Variants in ZFHX3 observed in about 807,000 individuals in gnomAD.
ZFHX3 encodes zinc finger homeobox 3, also known as zinc finger homeobox protein 3.
In ZFHX3, 42 loss-of-function variants were observed where a neutral mutation model predicts 279.1. The ratio of observed to expected loss-of-function variants is 0.15; its 90% CI spans 0.12 to 0.19. The LOEUF is 0.19. Among genes scored for constraint, ZFHX3 ranks in the 10% least tolerant of loss-of-function variants. The pLI is 1.00. For synonymous variants in ZFHX3, 2,293 were observed against 1,957.8 expected (o/e 1.17, Z -4.52); for missense variants, 4,981 against 4,754.0 (o/e 1.05, Z -1.40).
At position 73,329,009 on chromosome 16, in the gene ZFHX3, A is replaced by G. The variant is rs186901333; in HGVS notation, c.-1290-10673T>C. Reference sequence around the variant, plus strand: ...CTACATGAACTCATTCTTTTCCTCTAGGACTGTTGGTCACAGGTACATTCA... The same window carrying G: ...CTACATGAACTCATTCTTTTCCTCTGGGACTGTTGGTCACAGGTACATTCA... On this transcript the variant is annotated intron_variant, in intron 3 of 17. Coordinates refer to the ZFHX3 transcript ENST00000641206. Among the ~76,000 whole-genome samples, 97 of 152,332 alleles carry G rather than the reference A, an allele frequency of 6.4e-4. 2 individuals carry two copies. Among genetic ancestry groups the G allele is most frequent in the Admixed American group, 6.3e-3 (96 of 15,300 alleles).
chr16:73,118,261 T>G (rs1966455541), intron 7 of ZFHX3, among the ~76,000 whole-genome samples: 1 of 152,214 alleles, frequency 6.6e-6, no homozygotes, highest in African/African-American at 2.4e-5. Flanking sequence ...CAGGCTAGAG[T>G]GCAGTGGCAC....
rs145527800 is a variant in ZFHX3, at chr16:73,516,809, G to A, written c.-1546-60551C>T. On this transcript the variant is annotated intron_variant, in intron 2 of 17. Coordinates refer to the ZFHX3 transcript ENST00000641206. The stretch of plus-strand genomic sequence containing the variant: ...CACACAGTAGCTGCACAGAGAGTAT[G>A]TGCTGAATAGTTTGGGTGGATGGAC... Among the ~76,000 whole-genome samples the A allele has an allele frequency of 5.4e-4, 82 of 152,312 alleles. 1 individual carries two copies. Among genetic ancestry groups the A allele is most frequent in the African/African-American group, 1.9e-3 (78 of 41,566 alleles).
At chr16:72,902,667 G>C (rs2039069016) in intron 3 of ZFHX3, among the ~76,000 whole-genome samples, 1 of 152,076 alleles carries the variant, frequency 6.6e-6, no homozygotes, top group African/African-American at 2.4e-5. Context: ...CATTCCAATG[G>C]GCCTGAGCGC....
chr16:73,079,067 C>G (rs913645058), intron 8 of ZFHX3, among the ~76,000 whole-genome samples: 1 of 151,982 alleles, frequency 6.6e-6, no homozygotes, highest in Admixed American at 6.6e-5. Context: ...CTATTATTTC[C>G]TTCCTTCTAT....
At chr16:73,405,374 T>TA (rs1252752138) in intron 3 of ZFHX3, among the ~76,000 whole-genome samples, 1 of 152,126 alleles carries the variant, frequency 6.6e-6, no homozygotes. Context: ...TAGAATAACA[T>TA]AAAAAAGGAA....
intron 1 of ZFHX3, among the ~76,000 whole-genome samples, chr16:73,706,444 G>A (rs1330887712): frequency 1.6e-5 from 2 of 126,924 alleles, no homozygotes; most frequent in East Asian, 2.2e-4. Context: ...TGACAAGAGC[G>A]AAACTCTATC....
rs1326029179 is a variant in ZFHX3 at position 72,793,222 on chromosome 16, A to G, written c.9427+33T>C. 13 of 1,567,886 alleles carry G rather than the reference A, an allele frequency of 8.3e-6. No homozygotes were observed. In the African/African-American group the frequency reaches 1.6e-4, roughly 20 times the overall value. ...CAGAATGCTGACTGGGCAGCTATTT[A>G]GCCCTGAAACAATCGCCTAGAGCAG... On this transcript the variant is annotated intron_variant, in intron 9 of 9. Coordinates refer to ENST00000268489, the MANE Select transcript of ZFHX3 (RefSeq NM_006885.4). This position sits in a 1 kb window ranked among gnomAD's most constrained non-coding sequence, Gnocchi z 4.3.
chr16:73,495,091 G>C (rs922031814), intron 2 of ZFHX3, among the ~76,000 whole-genome samples: 1 of 152,216 alleles, frequency 6.6e-6, no homozygotes. Context: ...TCTCTTTACT[G>C]CTGCAGAGTA....
intron 3 of ZFHX3, among the ~76,000 whole-genome samples, chr16:73,339,792 A>C (rs11150412): frequency 0.9 from 136,870 of 152,260 alleles, 61,871 homozygotes; most frequent in Middle Eastern, 0.98. Flanking sequence ...CAAATAAAGC[A>C]TTTCTTTGGG....
chr16:73,146,947 C>T (rs760909476), intron 5 of ZFHX3, among the ~76,000 whole-genome samples: 10 of 152,170 alleles, frequency 6.6e-5, no homozygotes, highest in Admixed American at 1.3e-4. Flanking sequence ...CGTGAGCCAC[C>T]GTGCCTGGCT....
At chr16:73,668,230 T>C (rs150090220) in intron 2 of ZFHX3, among the ~76,000 whole-genome samples, 82 of 152,132 alleles carry the variant, frequency 5.4e-4, no homozygotes, top group African/African-American at 1.9e-3. Context: ...GACAAAGAAA[T>C]GTACAACTCT....
chr16:73,559,698 A>G (rs1361066720), intron 2 of ZFHX3, among the ~76,000 whole-genome samples: 1 of 152,184 alleles, frequency 6.6e-6, no homozygotes, highest in Non-Finnish European at 1.5e-5. Flanking sequence ...AGAAGACGAC[A>G]CGGCAGAACT....
intron 8 of ZFHX3, among the ~76,000 whole-genome samples, chr16:73,080,394 C>A (rs1965929818): frequency 6.6e-6 from 1 of 152,288 alleles, no homozygotes; most frequent in African/African-American, 2.4e-5. Flanking sequence ...GCCTCCAGAA[C>A]TGTGAGAAAT....
chr16:73,429,742 G>A (rs964058400), intron 3 of ZFHX3, among the ~76,000 whole-genome samples: 1 of 152,128 alleles, frequency 6.6e-6, no homozygotes, highest in African/African-American at 2.4e-5. Context: ...TCGACCCATA[G>A]GCCCCCGGTG....
At chr16:72,969,103 T>C (rs1300277046) in intron 1 of ZFHX3, among the ~76,000 whole-genome samples, 2 of 152,160 alleles carry the variant, frequency 1.3e-5, no homozygotes, top group African/African-American at 2.4e-5. Context: ...AAAAAGAAAC[T>C]GTCCAGAGTA....
rs1271343920 is a variant in ZFHX3 at position 73,638,183 on chromosome 16, T to C, written c.-1547+41997A>G. 2.0e-5 allele frequency among the ~76,000 whole-genome samples: 3 copies of C among 152,142 alleles called. No individual in the cohort carries two copies. The East Asian group carries it at 5.8e-4, about 29-fold the overall frequency. ...TATTCCATGGAAATAATCTTGAATG[T>C]AAAGTAAAGATATATGTATAAGGAT... is the stretch of plus-strand genomic sequence containing the variant. On this transcript the variant is annotated intron_variant, in intron 2 of 17. Transcript: ENST00000641206.
In ZFHX3 at chr16:72,794,285, A is replaced by G; in HGVS notation, c.8397T>C (p.Leu2799=). 2 of 1,613,534 alleles carry G rather than the reference A, an allele frequency of 1.2e-6. No homozygotes were observed. Among genetic ancestry groups the G allele is most frequent in the Non-Finnish European group, 1.7e-6 (2 of 1,179,660 alleles). ...CCACCTTAATGGAGGAAGGGCTTAG[A>G]AGAGTTCTGGGTGACAATTCCATGG... ...SKTMELSPRT[L]LSPSSIKVEG... is the part of the protein sequence containing the mutation. Residue 2799 remains leucine (L), a synonymous_variant, in exon 9 of 10, where the codon CTT becomes CTC. Coordinates refer to ENST00000268489, the MANE Select transcript of ZFHX3 (RefSeq NM_006885.4). The surrounding 1 kb of genome is among the most constrained non-coding windows in gnomAD (Gnocchi z 4.2).
chr16:72,983,939 T>C (rs1387907194), intron 1 of ZFHX3, among the ~76,000 whole-genome samples: 1 of 152,230 alleles, frequency 6.6e-6, no homozygotes, highest in Non-Finnish European at 1.5e-5. Context: ...CCACCAGTTA[T>C]AGTCCAGAAC....
chr16:73,485,394 C>CTGT (rs2018955027), intron 2 of ZFHX3, among the ~76,000 whole-genome samples: 1 of 138,916 alleles, frequency 7.2e-6, no homozygotes, highest in South Asian at 2.3e-4. Context: ...GGTTTCAAGT[C>CTGT]TGTTTCAAGG....
Sources: gnomAD v4.1 joint callset for allele counts (sites outside exome capture counted in the v4.1 genomes callset) on GRCh38, gnomAD v4.1.1 for gene constraint, Gnocchi (gnomAD v3.1) non-coding constraint, MANE v1.5 for transcripts, NCBI Gene and HGNC (gene_info 2026-07-23, HGNC 2026-07-21) for gene names.